NDRG2: variants seen among roughly 807,000 people sequenced by gnomAD.
NDRG2 encodes the protein NDRG family member 2, also known as protein NDRG2.
In NDRG2, 34 loss-of-function variants were observed where a neutral mutation model predicts 58.2. That is an observed-to-expected ratio of 0.58 (90% CI 0.44 to 0.78). The LOEUF is 0.78. NDRG2 is among the 30% of genes least tolerant of loss of function. NDRG2 has a pLI of 0.00. For missense variants in NDRG2, 434 were observed against 471.2 expected, an observed-to-expected ratio of 0.92 and a Z score of 0.73; for synonymous variants, 187 against 175.9, an observed-to-expected ratio of 1.06 and a Z score of -0.50.
At chr14:21,042,437 G>A (rs573556370) in intron 1 of NDRG2, 133 of 161,982 alleles carry the variant, frequency 8.2e-4, no homozygotes, top group Middle Eastern at 3.2e-3. Context: ...AAGACCAAGC[G>A]CAAAGGTGAG....
rs75671680 is a variant in NDRG2 at position 21,037,072 on chromosome 14, G to C, written c.25-13751C>G. ...TAGAAAGGGACTTTTTATACCTTTT[G>C]TTCTTCCTCTTCCTTCATTCCCCAG... is the stretch of plus-strand genomic sequence containing the variant. On this transcript the variant is annotated intron_variant, in intron 1 of 14. Coordinates refer to the NDRG2 transcript ENST00000403829. Among the ~76,000 whole-genome samples, 68 of 152,104 alleles carry C rather than the reference G, an allele frequency of 4.5e-4. No individual in the cohort carries two copies. In the East Asian group the frequency reaches 9.3e-3, roughly 21 times the overall value.
chr14:21,061,447 T>TCATG (rs1234670804), intron 1 of NDRG2, among the ~76,000 whole-genome samples: 2 of 151,470 alleles, frequency 1.3e-5, no homozygotes, highest in Non-Finnish European at 2.9e-5. Context: ...AATCTAGGGG[T>TCATG]CATGGGCTGT....
At chr14:21,041,317 G>GTATCTTGGGGAT in intron 1 of NDRG2, among the ~76,000 whole-genome samples, 2 of 152,238 alleles carry the variant, frequency 1.3e-5, no homozygotes, top group African/African-American at 4.8e-5. Flanking sequence ...TTTGTTCAGT[G>GTATCTTGGGGAT]ATATATCCCA....
rs751572210 is a variant in NDRG2, at chr14:21,022,132, T to C, written c.274A>G (p.Ile92Val). ...ACATGAACCCGCACAAAGTTCTGAA[T>C]GATTTCCTGCATGTCCTCGAACTGA... ...LFQFEDMQEI[I>V]QNFVRVHVDA... The change falls in exon 5 of 16, where the codon ATT becomes GTT. Residue 92 changes from isoleucine (I) to valine (V), a missense_variant. By Grantham distance (29) the Ile-to-Val change is conservative (BLOSUM62 3). Coordinates refer to ENST00000556147, the MANE Select transcript of NDRG2 (RefSeq NM_001320329.2). 5 of 1,614,096 alleles carry C rather than the reference T, an allele frequency of 3.1e-6. 1 individual carries two copies. Among genetic ancestry groups the C allele is most frequent in the Non-Finnish European group, 4.2e-6 (5 of 1,180,048 alleles).
intron 1 of NDRG2, among the ~76,000 whole-genome samples, chr14:21,041,771 G>A (rs148188644): frequency 5.7e-4 from 87 of 152,352 alleles, no homozygotes; most frequent in African/African-American, 2.0e-3. Context: ...TGTGGCCTTG[G>A]TTGGTACCTG....
At chr14:21,050,687 A>G (rs1396928349) in intron 1 of NDRG2, among the ~76,000 whole-genome samples, 1 of 152,236 alleles carries the variant, frequency 6.6e-6, no homozygotes, top group East Asian at 1.9e-4. Flanking sequence ...AGTGTTTTAT[A>G]TGCTATCTTT....
upstream of NDRG2, among the ~76,000 whole-genome samples, chr14:21,026,530 C>T (rs1368833573): frequency 6.6e-6 from 1 of 151,092 alleles, no homozygotes; most frequent in Admixed American, 6.6e-5. Flanking sequence ...TCACCACCCG[C>T]AATACCCCTC....
At chr14:21,021,698 A>C in intron 6 of NDRG2, 119 bp downstream of exon 6, 1 of 1,067,874 alleles carries the variant, frequency 9.4e-7, no homozygotes, top group South Asian at 1.5e-5. Flanking sequence ...TGAAGGAAGA[A>C]GATATATTGA....
Position 21,025,025 on chromosome 14 carries a change from C to T in NDRG2, c.-1002G>A, listed in dbSNP as rs1166681936. The T allele has an allele frequency of 2.0e-6, 2 of 986,052 alleles. No homozygotes were observed. Among genetic ancestry groups the T allele is most frequent in the Non-Finnish European group, 2.4e-6 (2 of 830,532 alleles). 61.1% of individuals were successfully genotyped at this position (986,052 alleles called of 1,614,324 possible). A position where few individuals can be genotyped will look rare whatever the true frequency, so the allele number is the denominator to read the frequency against. ...TACGGCCCCTCGCCTGCCCCTCCCCCTACCTGCTGCCGCCGCGGCCGCTTC... is the reference window on the plus strand; with the variant it reads ...TACGGCCCCTCGCCTGCCCCTCCCCTTACCTGCTGCCGCCGCGGCCGCTTC... On this transcript the variant is annotated 5_prime_UTR_variant, in exon 1 of 16. Transcript: ENST00000556147. The surrounding 1 kb of genome is among the most constrained non-coding windows in gnomAD (Gnocchi z 5.1).
chr14:21,064,616 A>G (rs1043609693), intron 1 of NDRG2, among the ~76,000 whole-genome samples: 5 of 152,234 alleles, frequency 3.3e-5, no homozygotes, highest in Non-Finnish European at 7.3e-5. Context: ...TGATGCTTTA[A>G]CTAAAGACAA....
rs1053753987 is a variant in NDRG2 at position 21,023,029 on chromosome 14, T to C, written c.76-124A>G. The C allele has an allele frequency of 7.3e-5, 88 of 1,208,400 alleles. No homozygotes were observed. Among genetic ancestry groups the C allele is most frequent in the Admixed American group, 7.2e-4 (37 of 51,218 alleles). The allele number at this position is 1,208,400 out of a possible 1,614,324, so 74.9% of individuals were successfully genotyped here. On this transcript the variant is annotated intron_variant, in intron 2 of 15. Transcript: ENST00000556147. ...ACAAATGACCAAAGACAGAAAGAGA[T>C]TGACAAAGAGAGACACGGAAAGGAT...
In NDRG2 at chr14:21,017,327, A is replaced by AT; in HGVS notation, c.*268dup. 1 of 516,112 alleles carries AT rather than the reference A, an allele frequency of 1.9e-6. No homozygotes were observed. Among genetic ancestry groups the AT allele is most frequent in the Non-Finnish European group, 3.5e-6 (1 of 283,952 alleles). 32.0% of individuals were successfully genotyped at this position (516,112 alleles called of 1,614,324 possible). ...ACCTAGATCAGGACAGAGGATGCAT[A>AT]TGCCCTCTCCACCTTAACATCAAAA... On this transcript the variant is annotated 3_prime_UTR_variant, in exon 16 of 16. Coordinates refer to ENST00000556147, the MANE Select transcript of NDRG2 (RefSeq NM_001320329.2).
chr14:21,034,206 C>T lies in NDRG2; in HGVS notation c.25-10885G>A, dbSNP rs368409164. 6.3e-5 allele frequency: 101 copies of T among 1,613,970 alleles called. No individual in the cohort carries two copies. Among genetic ancestry groups the T allele is most frequent in the Non-Finnish European group, 8.1e-5 (96 of 1,179,984 alleles). ...GCTTAAGGTATAGAAGTTCCTGCTG[C>T]CAATCTGCATCTTGATGTCCATGAC... is the stretch of plus-strand genomic sequence containing the variant. On this transcript the variant is annotated intron_variant, in intron 1 of 14. Coordinates refer to the NDRG2 transcript ENST00000403829.
chr14:21,024,577 C>T lies in NDRG2; in HGVS notation c.-554G>A. On this transcript the variant is annotated 5_prime_UTR_variant, in exon 1 of 16. Coordinates refer to ENST00000556147, the MANE Select transcript of NDRG2 (RefSeq NM_001320329.2). ...TAAAAACAAACACAAAGATTGGTGC[C>T]GTCGCTTCTCTCCTCTACTCAGTCT... 1.0e-6 allele frequency: 1 copy of T among 985,456 alleles called. No individual in the cohort carries two copies. Among genetic ancestry groups the T allele is most frequent in the Non-Finnish European group, 1.2e-6 (1 of 829,950 alleles). 61.0% of individuals were successfully genotyped at this position (985,456 alleles called of 1,614,324 possible).
intron 1 of NDRG2, 136 bp downstream of exon 1, chr14:21,023,894 G>A: frequency 1.2e-6 from 1 of 849,118 alleles, no homozygotes; most frequent in Non-Finnish European, 1.4e-6. Context: ...CCAACCCAAT[G>A]CCTCCCTTCC....
At chr14:21,019,081 G>A (rs1878577814) in intron 11 of NDRG2, 35 bp downstream of exon 11, 1 of 1,574,712 alleles carries the variant, frequency 6.4e-7, no homozygotes, top group Non-Finnish European at 8.6e-7. Context: ...GAAGATCCAG[G>A]GAGACAGGCA....
intron 10 of NDRG2, 124 bp from the exon 11 acceptor site, chr14:21,019,284 G>C: frequency 1.0e-6 from 1 of 969,704 alleles, no homozygotes; most frequent in Non-Finnish European, 1.5e-6. Flanking sequence ...GGTTATTAAA[G>C]GTGGAAACCA....
chr14:21,028,257 T>TTTTGC (rs1883828984), upstream of NDRG2, among the ~76,000 whole-genome samples: 1 of 151,892 alleles, frequency 6.6e-6, no homozygotes, highest in Non-Finnish European at 1.5e-5. Context: ...TTTTGTTTTG[T>TTTTGC]TTTGTTTTGT....
rs746509955 is a variant in NDRG2 at position 21,022,193 on chromosome 14, C to G, written c.224-11G>C. ...GGAAGCAAGATTTATCTAAAGAGAA[C>G]CCACATCACCTCAACAATAGAATCA... On this transcript the variant is annotated splice_polypyrimidine_tract_variant and intron_variant, in intron 4 of 15. Transcript: ENST00000556147. 6.2e-7 allele frequency: 1 copy of G among 1,614,166 alleles called. No individual in the cohort carries two copies. Among genetic ancestry groups the G allele is most frequent in the Admixed American group, 1.7e-5 (1 of 60,024 alleles).
Sources: allele counts gnomAD v4.1 joint callset (sites outside exome capture counted in the v4.1 genomes callset), GRCh38; gene constraint gnomAD v4.1.1; non-coding constraint Gnocchi (gnomAD v3.1); transcripts MANE v1.5; gene names NCBI Gene and HGNC (gene_info 2026-07-23, HGNC 2026-07-21).